SCN1A: variants seen among roughly 807,000 people sequenced by gnomAD.
SCN1A encodes the protein sodium voltage-gated channel alpha subunit 1.
In SCN1A, 13 loss-of-function variants were observed where a neutral mutation model predicts 193.7. The observed-to-expected ratio is 0.07, with a 90% CI of 0.04 to 0.11. The LOEUF (loss-of-function observed/expected upper bound fraction) is 0.11, where lower values mean the gene tolerates loss of function less well. SCN1A is among the 10% of genes least tolerant of loss of function. The pLI is 1.00. For missense variants in SCN1A, 1,432 were observed against 2,451.1 expected (o/e 0.58, Z 8.78); for synonymous variants, 781 against 843.6 (o/e 0.93, Z 1.29).
chr2:166,012,452 CAG>C (rs1286990457), intron 21 of SCN1A, among the ~76,000 whole-genome samples, 170 bp from the exon 22 acceptor site: 8 of 149,676 alleles, frequency 5.3e-5, no homozygotes, highest in African/African-American at 9.8e-5. Flanking sequence ...CTTATTTAAT[CAG>C]GGGAAAGACT....
At chr2:166,057,124 C>T (rs1699210256) in intron 5 of SCN1A, among the ~76,000 whole-genome samples, 1 of 152,038 alleles carries the variant, frequency 6.6e-6, no homozygotes, top group African/African-American at 2.4e-5. Context: ...TAAAATTCAA[C>T]ATAGCAAAGT....
chr2:166,043,984 G>T lies in SCN1A; in HGVS notation c.1728C>A (p.Ser576Arg). ...PRRNSRTSLF[S>R]FRGRAKDVGS... ...CCACATCCTTTGCTCGCCCTCTAAA[G>T]CTGAAAAGGCTTGTTCTGCTATTTC... Residue 576 changes from serine (S) to arginine (R), a missense_variant, in exon 14 of 29, where the codon AGC becomes AGA. Coordinates refer to ENST00000674923, the MANE Select transcript of SCN1A (RefSeq NM_001165963.4). 1 of 1,614,134 alleles carries T rather than the reference G, an allele frequency of 6.2e-7. No homozygotes were observed. The highest frequency in any genetic ancestry group is 8.5e-7 in the Non-Finnish European group (1 of 1,180,002).
At chr2:165,994,474 T>C in intron 27 of SCN1A, 58 bp from the exon 28 acceptor site, 1 of 1,509,992 alleles carries the variant, frequency 6.6e-7, no homozygotes, top group African/African-American at 1.4e-5. Flanking sequence ...TGCATTAGCA[T>C]TAAGTACTTT....
intron 3 of SCN1A, among the ~76,000 whole-genome samples, chr2:166,076,835 ATG>A (rs1685031020): frequency 2.9e-5 from 2 of 68,076 alleles, no homozygotes; most frequent in African/African-American, 1.7e-4. Context: ...AGACATCCAA[ATG>A]CAAAAAAAAA....
rs765483880 is a variant in SCN1A, at chr2:166,015,682, T to C, written c.3475A>G (p.Ile1159Val). The change falls in exon 20 of 29, where the codon ATC (isoleucine) becomes GTC (valine). Residue 1159 changes from isoleucine to valine, a missense_variant. This residue lies in a region of SCN1A where 198 missense variants were observed against 225.8 expected (regional missense o/e 0.88). Transcript: ENST00000674923. ...SSSSEGSTVD[I>V]GAPVEEQPVV... is the part of the protein sequence containing the mutation. ...GGCTGTTCTTCTACAGGTGCGCCGA[T>C]GTCCACAGTGCTACCTTCTGATGAG... is the stretch of plus-strand genomic sequence containing the variant. The C allele has an allele frequency of 2.5e-6, 4 of 1,613,000 alleles. No individual in the cohort carries two copies. The highest frequency in any genetic ancestry group is 3.4e-6 in the Non-Finnish European group (4 of 1,179,096).
intron 2 of SCN1A, among the ~76,000 whole-genome samples, chr2:166,091,811 A>G (rs1686837025): frequency 6.6e-6 from 1 of 152,206 alleles, no homozygotes; most frequent in East Asian, 1.9e-4. Flanking sequence ...TAATCATTCT[A>G]TGCAACATAT....
chr2:166,002,904 T>A, intron 23 of SCN1A, 151 bp from the exon 24 acceptor site: 1 of 613,970 alleles, frequency 1.6e-6, no homozygotes, highest in East Asian at 3.0e-5. Context: ...AAAAAAATCT[T>A]AAAATTCATT....
At chr2:166,057,590 G>T (rs1251079864) in intron 5 of SCN1A, among the ~76,000 whole-genome samples, 4 of 151,830 alleles carry the variant, frequency 2.6e-5, no homozygotes, top group African/African-American at 9.7e-5. Flanking sequence ...TACAAACTGG[G>T]ACAAGGAAAC....
chr2:166,117,836 G>C (rs4667873), intron 2 of SCN1A, among the ~76,000 whole-genome samples: 4 of 151,910 alleles, frequency 2.6e-5, no homozygotes, highest in Non-Finnish European at 5.9e-5. Flanking sequence ...GGTAGTGTGC[G>C]CCTGTAATCC....
rs560284160 is a variant in SCN1A at position 166,063,394 on chromosome 2, A to G, written c.265-4706T>C. Among the ~76,000 whole-genome samples, 5 of 152,206 alleles carry G rather than the reference A, an allele frequency of 3.3e-5. No individual in the cohort carries two copies. The East Asian group carries it at 7.7e-4, about 23-fold the overall frequency. ...ACCAAGTTTATTGGGCATATATACAATAAGTTGGTAATTATGTATGAGCAG... is the reference window on the plus strand; with the variant it reads ...ACCAAGTTTATTGGGCATATATACAGTAAGTTGGTAATTATGTATGAGCAG... On this transcript the variant is annotated intron_variant, in intron 4 of 28. Coordinates refer to ENST00000674923, the MANE Select transcript of SCN1A (RefSeq NM_001165963.4).
At position 166,002,677 on chromosome 2, in the gene SCN1A, A is replaced by G; in HGVS notation, c.4079T>C (p.Ile1360Thr). ...CAAATTTACGCCCATGATGCTGAAAATTAGCCAGAATATAAGACAAACCAG... is the reference window on the plus strand; with the variant it reads ...CAAATTTACGCCCATGATGCTGAAAGTTAGCCAGAATATAAGACAAACCAG... ...VLLVCLIFWL[I>T]FSIMGVNLFA... is the part of the protein sequence containing the mutation. The change falls in exon 24 of 29, where the codon ATT becomes ACT. Residue 1360 changes from isoleucine (I) to threonine (T), a missense_variant. Around this residue, in one of 18 missense-constraint regions of SCN1A, gnomAD observed 107 missense variants for 259.4 expected, o/e 0.41. Transcript: ENST00000674923. 6.2e-7 allele frequency: 1 copy of G among 1,611,890 alleles called. No individual in the cohort carries two copies. Among genetic ancestry groups the G allele is most frequent in the Non-Finnish European group, 8.5e-7 (1 of 1,178,696 alleles).
chr2:166,134,289 C>T (rs1691770816), intron 1 of SCN1A, among the ~76,000 whole-genome samples: 1 of 152,114 alleles, frequency 6.6e-6, no homozygotes, highest in Non-Finnish European at 1.5e-5. Flanking sequence ...CCACAAAGGT[C>T]CATTCAAGTT....
intron 10 of SCN1A, 109 bp from the exon 11 acceptor site, chr2:166,047,877 G>A: frequency 1.4e-6 from 2 of 1,470,532 alleles, no homozygotes; most frequent in Non-Finnish European, 1.9e-6. Flanking sequence ...CAAAATAAAA[G>A]TTTGACAAAT....
At position 165,991,423 on chromosome 2, in the gene SCN1A, G is replaced by A. The variant is rs1057524816; in HGVS notation, c.5852C>T (p.Ala1951Val). The change falls in exon 29 of 29, where the codon GCT becomes GTT. Residue 1951 changes from alanine to valine, a missense_variant. This residue lies in a region of SCN1A where 148 missense variants were observed against 160.3 expected (regional missense o/e 0.92). Coordinates refer to ENST00000674923, the MANE Select transcript of SCN1A (RefSeq NM_001165963.4). ...TYNKNKIKGGANLLIKEDMII... is the reference protein window; with the variant it reads ...TYNKNKIKGGVNLLIKEDMII... ...CATGTCTTCTTTTATAAGAAGATTA[G>A]CCCCACCTTTGATTTTGTTTTTATT... 4 of 1,613,608 alleles carry A rather than the reference G, an allele frequency of 2.5e-6. No homozygotes were observed. Among genetic ancestry groups the A allele is most frequent in the African/African-American group, 1.3e-5 (1 of 74,862 alleles).
intron 19 of SCN1A, among the ~76,000 whole-genome samples, chr2:166,026,871 G>T (rs1694857416): frequency 6.6e-6 from 1 of 151,690 alleles, no homozygotes; most frequent in South Asian, 2.1e-4. Flanking sequence ...TTTTAGTAGA[G>T]ATGGGGTTTC....
chr2:165,995,614 T>G (rs1689923179), intron 27 of SCN1A, among the ~76,000 whole-genome samples: 1 of 151,810 alleles, frequency 6.6e-6, no homozygotes, highest in African/African-American at 2.4e-5. Context: ...CTTCATTTCT[T>G]AAAATATTAG....
chr2:166,051,954 A>G lies in SCN1A; in HGVS notation c.729T>C (p.Ser243=), dbSNP rs1394940897. The change falls in exon 9 of 29, where the codon TCT becomes TCC. Residue 243 remains serine (S), a synonymous_variant. Transcript: ENST00000674923. Reference sequence around the variant, plus strand: ...TCATTACATCTGAGAGCTTCTTCACAGACTGGATCAGGGCTCCCACAATGG... The same window carrying G: ...TCATTACATCTGAGAGCTTCTTCACGGACTGGATCAGGGCTCCCACAATGG... ...LKTIVGALIQ[S]VKKLSDVMIL... The G allele has an allele frequency of 8.1e-6, 13 of 1,612,166 alleles. No homozygotes were observed. The highest frequency in any genetic ancestry group is 1.1e-5 in the Non-Finnish European group (13 of 1,178,696).
chr2:166,103,726 G>GA (rs889267312), intron 2 of SCN1A, among the ~76,000 whole-genome samples: 2 of 152,008 alleles, frequency 1.3e-5, no homozygotes, highest in African/African-American at 4.8e-5. Flanking sequence ...TAGTCACTTA[G>GA]AAAAAATACC....
Position 165,992,532 on chromosome 2 carries a change from AT to A in SCN1A, c.4853-111del. ...GGTTCAGAGTCCTGAACCCAGTTAT[AT>A]TAAATATGACAACTATATATAATAT... is the stretch of plus-strand genomic sequence containing the variant. On this transcript the variant is annotated intron_variant, in intron 28 of 28. Transcript: ENST00000674923. This position sits in a 1 kb window ranked among gnomAD's most constrained non-coding sequence, Gnocchi z 6.5. 1.0e-6 allele frequency: 1 copy of A among 955,154 alleles called. No individual in the cohort carries two copies. The highest frequency in any genetic ancestry group is 2.1e-5 in the Admixed American group (1 of 48,084). 59.2% of individuals were successfully genotyped at this position (955,154 alleles called of 1,614,324 possible). A position where few individuals can be genotyped will look rare whatever the true frequency, so the allele number is the denominator to read the frequency against.
Sources: gnomAD v4.1 joint callset for allele counts (sites outside exome capture counted in the v4.1 genomes callset) on GRCh38, gnomAD v4.1.1 for gene constraint, gnomAD v4.1.1 regional missense constraint, Gnocchi (gnomAD v3.1) non-coding constraint, MANE v1.5 for transcripts, NCBI Gene and HGNC (gene_info 2026-07-23, HGNC 2026-07-21) for gene names.